Variants in PRKD3 observed in about 807,000 individuals in gnomAD.
PRKD3 encodes the protein serine/threonine-protein kinase D3.
In PRKD3, 47 loss-of-function variants were observed where a neutral mutation model predicts 99.2. The observed-to-expected ratio is 0.47, with a 90% CI of 0.38 to 0.60. PRKD3 has a LOEUF of 0.60. PRKD3 is among the 20% of genes least tolerant of loss of function. The probability of loss-of-function intolerance (pLI) is 0.00; values close to 1 mark genes in which losing one functional copy is unlikely to be tolerated. For missense variants in PRKD3, 1,019 were observed against 1,088.4 expected, an observed-to-expected ratio of 0.94 and a Z score of 0.90; for synonymous variants, 392 against 355.4, an observed-to-expected ratio of 1.10 and a Z score of -1.16.
At chr2:37,271,904 A>G (rs113319986) in intron 12 of PRKD3, among the ~76,000 whole-genome samples, 14 of 152,120 alleles carry the variant, frequency 9.2e-5, no homozygotes, top group South Asian at 4.1e-4. Flanking sequence ...ACATACCTAC[A>G]TACACCAGCC....
At chr2:37,301,510 T>C (rs1670931275) in intron 2 of PRKD3, among the ~76,000 whole-genome samples, 1 of 152,020 alleles carries the variant, frequency 6.6e-6, no homozygotes, top group African/African-American at 2.4e-5. Flanking sequence ...CACTGCTCAC[T>C]GCAACCTCAA....
intron 7 of PRKD3, among the ~76,000 whole-genome samples, chr2:37,281,210 T>A (rs970474782): frequency 1.3e-5 from 2 of 152,184 alleles, no homozygotes; most frequent in Non-Finnish European, 2.9e-5. Flanking sequence ...TCACTAGTAA[T>A]CAAATGCACA....
At chr2:37,277,062 T>C (rs1008589409) in intron 9 of PRKD3, among the ~76,000 whole-genome samples, 1 of 152,128 alleles carries the variant, frequency 6.6e-6, no homozygotes. Flanking sequence ...TACAAAACTT[T>C]AGGCCAGCTA....
intron 2 of PRKD3, among the ~76,000 whole-genome samples, chr2:37,297,002 C>T (rs1299775649): frequency 6.6e-6 from 1 of 151,424 alleles, no homozygotes; most frequent in Admixed American, 6.6e-5. Context: ...AAGAAATACA[C>T]CCCTCATTCA....
At chr2:37,273,489 T>C (rs990262348) in intron 11 of PRKD3, among the ~76,000 whole-genome samples, 29 of 152,198 alleles carry the variant, frequency 1.9e-4, no homozygotes, top group African/African-American at 7.0e-4. Context: ...GGTTCTTCTA[T>C]GAAGTCTTGT....
intron 2 of PRKD3, among the ~76,000 whole-genome samples, chr2:37,303,255 C>T (rs1671017281): frequency 6.6e-6 from 1 of 152,132 alleles, no homozygotes; most frequent in African/African-American, 2.4e-5. Flanking sequence ...CACTTACCAC[C>T]TTCACCATCC....
At chr2:37,278,380 A>G (rs1669675758) in intron 8 of PRKD3, 1 of 155,324 alleles carries the variant, frequency 6.4e-6, no homozygotes. Flanking sequence ...AAGGCAAAAT[A>G]CAACTATATA....
chr2:37,316,123 G>T, intron 2 of PRKD3, 114 bp downstream of exon 2: 1 of 1,132,008 alleles, frequency 8.8e-7, no homozygotes. Flanking sequence ...TTCCAAAAAT[G>T]CACAGAATAA....
intron 2 of PRKD3, among the ~76,000 whole-genome samples, chr2:37,304,166 C>CTTTGTACTTAA (rs1257531893): frequency 6.7e-6 from 1 of 150,170 alleles, no homozygotes; most frequent in Non-Finnish European, 1.5e-5. Flanking sequence ...TCCTGAATCC[C>CTTTGTACTTAA]CAAGCACTTT....
rs1274805000 is a variant in PRKD3 at position 37,260,220 on chromosome 2, T to C, written c.2046+3A>G. The C allele has an allele frequency of 2.5e-6, 4 of 1,591,768 alleles. No individual in the cohort carries two copies. Among genetic ancestry groups the C allele is most frequent in the Non-Finnish European group, 3.4e-6 (4 of 1,169,334 alleles). On this transcript the variant is annotated splice_donor_region_variant and intron_variant, in intron 15 of 18. Transcript: ENST00000234179. ...GTTTAAAAAAAAAAAGGAGTTAAAATACCTGTGTGACCATGAATTTAGTAA... is the reference window on the plus strand; with the variant it reads ...GTTTAAAAAAAAAAAGGAGTTAAAACACCTGTGTGACCATGAATTTAGTAA...
At chr2:37,322,142 T>A (rs1212587881) in intron 1 of PRKD3, among the ~76,000 whole-genome samples, 1 of 152,222 alleles carries the variant, frequency 6.6e-6, no homozygotes, top group Non-Finnish European at 1.5e-5. Flanking sequence ...CGTAAAAGTA[T>A]GTGGCCTTTT....
intron 12 of PRKD3, among the ~76,000 whole-genome samples, chr2:37,270,745 C>G (rs1361879727): frequency 6.6e-6 from 1 of 152,130 alleles, no homozygotes; most frequent in African/African-American, 2.4e-5. Flanking sequence ...TTTTTATAAG[C>G]CTCCCCACTT....
intron 14 of PRKD3, among the ~76,000 whole-genome samples, chr2:37,261,131 A>G (rs1427886754): frequency 1.3e-5 from 2 of 152,176 alleles, no homozygotes; most frequent in African/African-American, 2.4e-5. Context: ...CAGTCTTCCA[A>G]TTTAATCTTA....
chr2:37,269,529 G>T, intron 13 of PRKD3, 86 bp downstream of exon 13: 2 of 1,193,886 alleles, frequency 1.7e-6, no homozygotes, highest in South Asian at 1.2e-5. Flanking sequence ...ACAAAACTAT[G>T]AGATGACAAA....
At chr2:37,269,315 A>C (rs1182972271) in intron 13 of PRKD3, 1 of 354,980 alleles carries the variant, frequency 2.8e-6, no homozygotes, top group African/African-American at 2.1e-5. Flanking sequence ...ACTCAGCCCA[A>C]CATAAACTTC....
chr2:37,254,271 T>C lies in PRKD3; in HGVS notation c.2432A>G (p.Asn811Ser). The change falls in exon 18 of 19, where the codon AAT (asparagine) becomes AGT (serine). Residue 811 changes from asparagine to serine, a missense_variant. Around this residue, in one of 3 missense-constraint regions of PRKD3, gnomAD observed 125 missense variants for 120.6 expected, o/e 1.04. Transcript: ENST00000234179. ...TTTTCTCATCTTCACTTGAAGCAGATTGTTTATCAGATCAATTGCTAAGGG... is the reference window on the plus strand; with the variant it reads ...TTTTCTCATCTTCACTTGAAGCAGACTGTTTATCAGATCAATTGCTAAGGG... ...ISGEAIDLINNLLQVKMRKRY... is the reference protein window; with the variant it reads ...ISGEAIDLINSLLQVKMRKRY... 1.2e-6 allele frequency: 2 copies of C among 1,613,252 alleles called. No individual in the cohort carries two copies. Among genetic ancestry groups the C allele is most frequent in the Non-Finnish European group, 8.5e-7 (1 of 1,179,260 alleles).
At chr2:37,302,012 T>G (rs1670952324) in intron 2 of PRKD3, among the ~76,000 whole-genome samples, 2 of 152,146 alleles carry the variant, frequency 1.3e-5, no homozygotes, top group South Asian at 4.1e-4. Flanking sequence ...ATGTCAATAG[T>G]GCTGAAGCTG....
Position 37,275,830 on chromosome 2 carries a change from A to G in PRKD3, c.1311T>C (p.Tyr437=), listed in dbSNP as rs767963659. 2.5e-6 allele frequency: 4 copies of G among 1,607,876 alleles called. No individual in the cohort carries two copies. Among genetic ancestry groups the G allele is most frequent in the South Asian group, 2.2e-5 (2 of 89,324 alleles). The change falls in exon 10 of 19, where the codon TAT becomes TAC. Residue 437 remains tyrosine, a synonymous_variant. Coordinates refer to ENST00000234179, the MANE Select transcript of PRKD3 (RefSeq NM_005813.6). ...TSRDNLRKRH[Y]WRLDSKCLTL... ...TTAGACATTTGCTGTCAAGTCTCCAATAATGCCTCTTTCTCTATAAAATGA... is the reference window on the plus strand; with the variant it reads ...TTAGACATTTGCTGTCAAGTCTCCAGTAATGCCTCTTTCTCTATAAAATGA...
At chr2:37,282,383 T>C (rs1482651506) in intron 7 of PRKD3, 159 bp downstream of exon 7, 1 of 586,624 alleles carries the variant, frequency 1.7e-6, no homozygotes, top group South Asian at 2.4e-5. Context: ...AATAAATGTA[T>C]ACTGTCAGTG....
Sources: allele counts gnomAD v4.1 joint callset (sites outside exome capture counted in the v4.1 genomes callset), GRCh38; gene constraint gnomAD v4.1.1; regional missense constraint gnomAD v4.1.1; transcripts MANE v1.5; gene names NCBI Gene and HGNC (gene_info 2026-07-23, HGNC 2026-07-21).